CCDC91: variants seen among roughly 807,000 people sequenced by gnomAD.
CCDC91 encodes the protein coiled-coil domain containing 91.
CCDC91 carries 48 observed loss-of-function variants against 63.2 expected under a neutral mutation model. The observed-to-expected ratio is 0.76, with a 90% CI of 0.60 to 0.97. The LOEUF is 0.97. Ranked by LOEUF, CCDC91 falls within the 50% of genes least tolerant of loss-of-function variation. CCDC91 has a pLI of 0.00. For missense variants in CCDC91, 500 were observed against 494.6 expected (o/e 1.01, Z -0.10); for synonymous variants, 167 against 165.8 (o/e 1.01, Z -0.06).
At chr12:28,354,787 A>G (rs1943415870) in intron 6 of CCDC91, among the ~76,000 whole-genome samples, 1 of 152,176 alleles carries the variant, frequency 6.6e-6, no homozygotes, top group Admixed American at 6.5e-5. Flanking sequence ...CAATATTACA[A>G]GAATTCTAGA....
At chr12:28,501,435 A>G (rs11049672) in intron 12 of CCDC91, among the ~76,000 whole-genome samples, 31,698 of 151,888 alleles carry the variant, frequency 0.21, 4,333 homozygotes, top group Non-Finnish European at 0.31. Flanking sequence ...GAATTTTGTC[A>G]AAGGCCTTTA....
At chr12:28,271,629 C>T (rs1947772660) in intron 3 of CCDC91, among the ~76,000 whole-genome samples, 1 of 151,514 alleles carries the variant, frequency 6.6e-6, no homozygotes, top group South Asian at 2.1e-4. Context: ...GCTTTTTGGC[C>T]AAAGAAAGTT....
intron 12 of CCDC91, among the ~76,000 whole-genome samples, chr12:28,511,998 AAC>A (rs1254307241): frequency 6.6e-6 from 1 of 151,876 alleles, no homozygotes; most frequent in African/African-American, 2.4e-5. Context: ...TCTCATTAAA[AAC>A]ACACATGTAT....
intron 7 of CCDC91, among the ~76,000 whole-genome samples, chr12:28,384,311 TA>T (rs1300543408): frequency 6.6e-6 from 1 of 152,134 alleles, no homozygotes; most frequent in African/African-American, 2.4e-5. Flanking sequence ...CAAGAACATG[TA>T]AAAACATAAA....
intron 8 of CCDC91, among the ~76,000 whole-genome samples, chr12:28,411,484 T>A (rs1462779486): frequency 2.6e-5 from 4 of 152,194 alleles, no homozygotes. Context: ...TCCAGATCTA[T>A]TATGTTTAGA....
At chr12:28,495,779 A>G (rs1018930960) in intron 12 of CCDC91, among the ~76,000 whole-genome samples, 23 of 151,550 alleles carry the variant, frequency 1.5e-4, no homozygotes, top group African/African-American at 5.1e-4. Flanking sequence ...ATATTTTTCC[A>G]TGTCCATAGC....
intron 8 of CCDC91, among the ~76,000 whole-genome samples, chr12:28,421,409 G>C (rs1948000166): frequency 6.6e-6 from 1 of 151,842 alleles, no homozygotes; most frequent in Non-Finnish European, 1.5e-5. Flanking sequence ...CCTTCTTTTT[G>C]TCCATGTATT....
At chr12:28,250,127 C>G (rs1946022622) in intron 1 of CCDC91, among the ~76,000 whole-genome samples, 1 of 151,914 alleles carries the variant, frequency 6.6e-6, no homozygotes, top group African/African-American at 2.4e-5. Flanking sequence ...GAAGACTTAA[C>G]CAAAGAGGGT....
intron 1 of CCDC91, among the ~76,000 whole-genome samples, chr12:28,232,178 A>G (rs933864600): frequency 1.3e-5 from 2 of 152,110 alleles, no homozygotes; most frequent in African/African-American, 4.8e-5. Flanking sequence ...ATAAAAATGT[A>G]GGAGATTCTT....
chr12:28,454,017 T>A (rs1949942688), intron 11 of CCDC91, among the ~76,000 whole-genome samples: 1 of 152,148 alleles, frequency 6.6e-6, no homozygotes, highest in Non-Finnish European at 1.5e-5. Context: ...TATGATACAC[T>A]ACTTTGAAAT....
At chr12:28,519,392 A>ACATACT (rs1940331584) in intron 12 of CCDC91, among the ~76,000 whole-genome samples, 8 of 151,852 alleles carry the variant, frequency 5.3e-5, no homozygotes, top group Non-Finnish European at 1.2e-4. Context: ...CAGAAGAGCT[A>ACATACT]CTGGTTTGTG....
At chr12:28,347,539 A>T (rs1174379726) in intron 6 of CCDC91, among the ~76,000 whole-genome samples, 1 of 152,200 alleles carries the variant, frequency 6.6e-6, no homozygotes, top group Non-Finnish European at 1.5e-5. Flanking sequence ...ACTTAGGTAC[A>T]ATACTAGTGA....
At chr12:28,311,468 CTGCATTGT>C (rs936239013) in intron 6 of CCDC91, among the ~76,000 whole-genome samples, 2 of 151,998 alleles carry the variant, frequency 1.3e-5, no homozygotes, top group Non-Finnish European at 2.9e-5. Flanking sequence ...TCTATGGGCA[CTGCATTGT>C]TGCTGGGGCG....
At chr12:28,190,917 T>C (rs1052443161) in intron 1 of CCDC91, among the ~76,000 whole-genome samples, 1 of 152,196 alleles carries the variant, frequency 6.6e-6, no homozygotes, top group Non-Finnish European at 1.5e-5. Context: ...TCGAGTGTTT[T>C]CGAAAGTCTA....
intron 6 of CCDC91, among the ~76,000 whole-genome samples, chr12:28,341,063 T>C (rs1942383163): frequency 1.3e-5 from 2 of 152,176 alleles, no homozygotes; most frequent in African/African-American, 4.8e-5. Context: ...AATCAAACCC[T>C]GTGTCATTCT....
chr12:28,287,942 T>G (rs1490358851), intron 3 of CCDC91, among the ~76,000 whole-genome samples: 1 of 152,100 alleles, frequency 6.6e-6, no homozygotes, highest in Admixed American at 6.6e-5. Context: ...GTGTTCCTAG[T>G]TATTTTATTC....
intron 7 of CCDC91, among the ~76,000 whole-genome samples, chr12:28,380,230 G>C (rs1243265419): frequency 6.6e-6 from 1 of 152,040 alleles, no homozygotes; most frequent in East Asian, 1.9e-4. Flanking sequence ...TGTAACTGAC[G>C]AGTTGATGGG....
At chr12:28,312,196 G>A (rs756441868) in intron 6 of CCDC91, among the ~76,000 whole-genome samples, 23 of 151,794 alleles carry the variant, frequency 1.5e-4, no homozygotes, top group South Asian at 4.2e-4. Flanking sequence ...ACTTTGAGTC[G>A]GTTTTTTTTG....
intron 1 of CCDC91, among the ~76,000 whole-genome samples, chr12:28,195,698 CTT>C (rs1242309455): frequency 6.6e-6 from 1 of 152,128 alleles, no homozygotes; most frequent in Non-Finnish European, 1.5e-5. Flanking sequence ...TTTAGAATCT[CTT>C]TATTTCTATA....
Sources: allele counts gnomAD v4.1 joint callset (sites outside exome capture counted in the v4.1 genomes callset), GRCh38; gene constraint gnomAD v4.1.1; transcripts MANE v1.5; gene names NCBI Gene and HGNC (gene_info 2026-07-23, HGNC 2026-07-21).